Variants in STEAP1B observed in about 807,000 individuals in gnomAD.
The protein encoded by STEAP1B is STEAP family member 1B, also known as STEAP family protein MGC87042.
STEAP1B carries 13 observed loss-of-function variants against 27.9 expected under a neutral mutation model. The observed-to-expected ratio is 0.47, with a 90% CI of 0.30 to 0.74. STEAP1B has a LOEUF of 0.74. Among genes scored for constraint, STEAP1B ranks in the 30% least tolerant of loss-of-function variants. The pLI is 0.06. For missense variants in STEAP1B, 250 were observed against 298.7 expected (o/e 0.84, Z 1.20); for synonymous variants, 86 against 107.1 (o/e 0.80, Z 1.22).
chr7:22,473,823 T>C (rs1004527665), intron 4 of STEAP1B, among the ~76,000 whole-genome samples: 2 of 152,120 alleles, frequency 1.3e-5, no homozygotes, highest in Middle Eastern at 3.2e-3. Context: ...CACCAGGAGT[T>C]GCAGTCTGGA....
At chr7:22,462,597 T>C (rs1317589014) in intron 4 of STEAP1B, among the ~76,000 whole-genome samples, 3 of 142,640 alleles carry the variant, frequency 2.1e-5, no homozygotes, top group African/African-American at 7.9e-5. Context: ...TTCCATGGTG[T>C]ATATGTGCCA....
intron 4 of STEAP1B, among the ~76,000 whole-genome samples, chr7:22,480,104 G>A (rs1165437394): frequency 6.6e-6 from 1 of 152,126 alleles, no homozygotes; most frequent in African/African-American, 2.4e-5. Flanking sequence ...AGAAAGGAAG[G>A]TTATTGAATG....
chr7:22,465,458 C>T (rs1398782973), intron 4 of STEAP1B, among the ~76,000 whole-genome samples: 4 of 152,142 alleles, frequency 2.6e-5, no homozygotes, highest in African/African-American at 9.7e-5. Flanking sequence ...AATCAACACT[C>T]TTATCTTTTA....
intron 4 of STEAP1B, among the ~76,000 whole-genome samples, chr7:22,466,998 G>C (rs1785796773): frequency 6.6e-6 from 1 of 152,144 alleles, no homozygotes; most frequent in Non-Finnish European, 1.5e-5. Context: ...TGGAACACCT[G>C]GCACATGGAA....
chr7:22,483,202 AG>A (rs35033257), intron 4 of STEAP1B, among the ~76,000 whole-genome samples: 78,258 of 151,816 alleles, frequency 0.52, 20,429 homozygotes, highest in South Asian at 0.57. Flanking sequence ...CCTCACACTG[AG>A]GATACAGGAC....
intron 4 of STEAP1B, 102 bp from the exon 5 acceptor site, chr7:22,419,938 T>TATAC: frequency 7.4e-7 from 1 of 1,355,636 alleles, no homozygotes; most frequent in South Asian, 1.5e-5. Flanking sequence ...AAATTGCAAG[T>TATAC]ATACACGCTT....
At chr7:22,437,836 G>A (rs997482828) in intron 4 of STEAP1B, among the ~76,000 whole-genome samples, 6 of 152,096 alleles carry the variant, frequency 3.9e-5, no homozygotes, top group East Asian at 1.9e-4. Context: ...TTTAATTTGC[G>A]TAACTCTGAT....
At chr7:22,497,823 G>A (rs1234432675) in intron 1 of STEAP1B, among the ~76,000 whole-genome samples, 1 of 152,214 alleles carries the variant, frequency 6.6e-6, no homozygotes, top group African/African-American at 2.4e-5. Context: ...GGAGGCCTCA[G>A]AGGGCTTATA....
chr7:22,473,329 C>A (rs1401710506), intron 4 of STEAP1B, among the ~76,000 whole-genome samples: 1 of 152,128 alleles, frequency 6.6e-6, no homozygotes, highest in Admixed American at 6.5e-5. Context: ...AGAACATATC[C>A]CAAATTGTTA....
In STEAP1B at chr7:22,450,354, T is replaced by C. The variant is rs143441698; in HGVS notation, c.763-30518A>G. Among the ~76,000 whole-genome samples the C allele has an allele frequency of 6.7e-3, 1,014 of 152,344 alleles. 9 individuals carry two copies. The highest frequency in any genetic ancestry group is 0.018 in the South Asian group (85 of 4,828). Reference sequence around the variant, plus strand: ...TCCATTTTGATTTGAGTTTTGTATATGGTGAGAGATAGGGGTCTAGTTTCA... The same window carrying C: ...TCCATTTTGATTTGAGTTTTGTATACGGTGAGAGATAGGGGTCTAGTTTCA... On this transcript the variant is annotated intron_variant, in intron 4 of 4. Coordinates refer to ENST00000678116, the MANE Select transcript of STEAP1B (RefSeq NM_001382447.1).
At chr7:22,460,467 A>G (rs1785660084) in intron 4 of STEAP1B, among the ~76,000 whole-genome samples, 1 of 152,090 alleles carries the variant, frequency 6.6e-6, no homozygotes, top group Admixed American at 6.5e-5. Flanking sequence ...GACAGCAGAG[A>G]TGGTTGACAT....
rs1040763718 is a variant in STEAP1B, at chr7:22,453,933, C to A, written c.763-34097G>T. Among the ~76,000 whole-genome samples the A allele has an allele frequency of 2.0e-5, 3 of 152,168 alleles. No individual in the cohort carries two copies. The East Asian group carries it at 5.8e-4, about 29-fold the overall frequency. ...CTGTATGAATATACAGCAATGTATC[C>A]ATTCTGCTGTTGATGGACATTTGGG... On this transcript the variant is annotated intron_variant, in intron 4 of 4. Transcript: ENST00000678116.
At chr7:22,425,944 T>C (rs941943394) in intron 4 of STEAP1B, among the ~76,000 whole-genome samples, 5 of 152,262 alleles carry the variant, frequency 3.3e-5, no homozygotes, top group African/African-American at 1.2e-4. Context: ...AAAAGTTTCC[T>C]TGGAACCCTG....
chr7:22,466,520 A>C (rs1338981976), intron 4 of STEAP1B, among the ~76,000 whole-genome samples: 1 of 152,136 alleles, frequency 6.6e-6, no homozygotes, highest in Admixed American at 6.5e-5. Context: ...TTCTTCTATT[A>C]TGGACCCCAA....
intron 4 of STEAP1B, among the ~76,000 whole-genome samples, chr7:22,464,220 T>G (rs1785731221): frequency 1.3e-5 from 2 of 152,186 alleles, no homozygotes; most frequent in South Asian, 4.1e-4. Flanking sequence ...TTAGGAAGAT[T>G]TATCACCTGC....
intron 4 of STEAP1B, among the ~76,000 whole-genome samples, chr7:22,444,367 C>T (rs1055626950): frequency 5.3e-5 from 8 of 152,168 alleles, no homozygotes; most frequent in African/African-American, 1.7e-4. Context: ...CTAGCCGTTA[C>T]CCTGACTTCA....
At chr7:22,442,055 C>G (rs1415395562) in intron 4 of STEAP1B, among the ~76,000 whole-genome samples, 11 of 152,198 alleles carry the variant, frequency 7.2e-5, no homozygotes, top group Admixed American at 7.2e-4. Flanking sequence ...ATGCTCCTAC[C>G]CACTTCCCAT....
rs939881180 is a variant in STEAP1B, at chr7:22,500,180, G to C, written c.-98C>G. 1 of 153,292 alleles carries C rather than the reference G, an allele frequency of 6.5e-6. No individual in the cohort carries two copies. The highest frequency in any genetic ancestry group is 1.9e-4 in the East Asian group (1 of 5,196). The allele number at this position is 153,292 out of a possible 1,614,324, so 9.5% of individuals were successfully genotyped here. On this transcript the variant is annotated 5_prime_UTR_variant, in exon 1 of 5. Coordinates refer to ENST00000678116, the MANE Select transcript of STEAP1B (RefSeq NM_001382447.1). Reference sequence around the variant, plus strand: ...TGCTGCCGGGAGGTGCCGGCCCCACGCGGCGCCTGAGCCTCCAGAGCGCGA... The same window carrying C: ...TGCTGCCGGGAGGTGCCGGCCCCACCCGGCGCCTGAGCCTCCAGAGCGCGA...
chr7:22,477,730 G>C (rs1785996324), intron 4 of STEAP1B, among the ~76,000 whole-genome samples: 1 of 151,800 alleles, frequency 6.6e-6, no homozygotes, highest in African/African-American at 2.4e-5. Flanking sequence ...ATCAACAAGA[G>C]GTTTTTTTTT....
Sources: gnomAD v4.1 joint callset for allele counts (sites outside exome capture counted in the v4.1 genomes callset) on GRCh38, gnomAD v4.1.1 for gene constraint, MANE v1.5 for transcripts, NCBI Gene and HGNC (gene_info 2026-07-23, HGNC 2026-07-21) for gene names.